The following ZNF608 variants were observed in gnomAD, a reference collection of about 807,000 sequenced individuals.
ZNF608 encodes the protein renal carcinoma antigen NY-REN-36.
ZNF608 carries 12 observed loss-of-function variants against 109.0 expected under a neutral mutation model. The ratio of observed to expected loss-of-function variants is 0.11; its 90% CI spans 0.07 to 0.18. The LOEUF (loss-of-function observed/expected upper bound fraction) is 0.18. ZNF608 is among the 10% of genes least tolerant of loss of function. The pLI is 1.00. For synonymous variants in ZNF608, 732 were observed against 717.4 expected (o/e 1.02, Z -0.33); for missense variants, 1,707 against 1,879.3 (o/e 0.91, Z 1.70).
chr5:124,744,040 A>C lies in ZNF608; in HGVS notation c.906+44T>G. Reference sequence around the variant, plus strand: ...CACCCCCACACACCCACACAAATGCACACAGAGGAGAGTAGGACATCTAGG... The same window carrying C: ...CACCCCCACACACCCACACAAATGCCCACAGAGGAGAGTAGGACATCTAGG... On this transcript the variant is annotated intron_variant, in intron 2 of 9. Transcript: ENST00000513986. This position sits in a 1 kb window ranked among gnomAD's most constrained non-coding sequence, Gnocchi z 4.5. The C allele has an allele frequency of 6.5e-7, 1 of 1,540,766 alleles. No homozygotes were observed.
chr5:124,742,108 C>T (rs184787309), intron 2 of ZNF608, among the ~76,000 whole-genome samples: 2 of 152,092 alleles, frequency 1.3e-5, no homozygotes, highest in Non-Finnish European at 2.9e-5. Context: ...TTATACTGCT[C>T]TAACTGAAGA....
chr5:124,668,176 G>A (rs914923515), intron 3 of ZNF608, among the ~76,000 whole-genome samples: 1 of 144,854 alleles, frequency 6.9e-6, no homozygotes, highest in African/African-American at 2.6e-5. Context: ...AACATATGGA[G>A]ACCTTCTCTA....
At chr5:124,639,454 C>T (rs1376519851) in intron 8 of ZNF608, among the ~76,000 whole-genome samples, 1 of 152,234 alleles carries the variant, frequency 6.6e-6, no homozygotes, top group Non-Finnish European at 1.5e-5. Flanking sequence ...CATTCCATCT[C>T]TCCGGCTCTG....
chr5:124,702,385 G>T (rs1415906126), intron 2 of ZNF608, among the ~76,000 whole-genome samples: 1 of 151,856 alleles, frequency 6.6e-6, no homozygotes, highest in Non-Finnish European at 1.5e-5. Context: ...TATGTAAAAA[G>T]GGCGCATCGA....
At chr5:124,734,054 G>A (rs945445791) in intron 2 of ZNF608, among the ~76,000 whole-genome samples, 4 of 152,128 alleles carry the variant, frequency 2.6e-5, no homozygotes, top group Non-Finnish European at 4.4e-5. Flanking sequence ...TACATGTGCA[G>A]TTCTTACTCA....
chr5:124,719,374 C>A (rs1753821624), intron 2 of ZNF608, among the ~76,000 whole-genome samples: 1 of 152,228 alleles, frequency 6.6e-6, no homozygotes. Flanking sequence ...AGCAGGCTCC[C>A]TAATGTATGA....
At chr5:124,693,931 T>C (rs1561564231) in intron 3 of ZNF608, among the ~76,000 whole-genome samples, 1 of 151,278 alleles carries the variant, frequency 6.6e-6, no homozygotes, top group Non-Finnish European at 1.5e-5. Flanking sequence ...CATTTTTTTT[T>C]ACCTTCTGTA....
chr5:124,710,518 C>T lies in ZNF608; in HGVS notation c.907-9249G>A, dbSNP rs908334066. Reference sequence around the variant, plus strand: ...AAGGCCACAGAAGCACCCAAAGCATCGTGGGTCGGCTACAGAAGAAGACAA... The same window carrying T: ...AAGGCCACAGAAGCACCCAAAGCATTGTGGGTCGGCTACAGAAGAAGACAA... On this transcript the variant is annotated intron_variant, in intron 2 of 9. Transcript: ENST00000513986. 4.4e-5 allele frequency: 11 copies of T among 247,888 alleles called. No individual in the cohort carries two copies. The East Asian group carries it at 8.2e-4, about 19-fold the overall frequency. 15.4% of individuals were successfully genotyped at this position (247,888 alleles called of 1,614,324 possible).
At chr5:124,655,196 T>A (rs560731379) in intron 3 of ZNF608, among the ~76,000 whole-genome samples, 1 of 152,366 alleles carries the variant, frequency 6.6e-6, no homozygotes, top group South Asian at 2.1e-4. Flanking sequence ...ACATTCTCTG[T>A]GGAGAGGCTT....
At chr5:124,666,647 TAGTAACTCA>T (rs1397461763) in intron 3 of ZNF608, among the ~76,000 whole-genome samples, 11 of 152,054 alleles carry the variant, frequency 7.2e-5, no homozygotes, top group African/African-American at 2.2e-4. Context: ...CCTGGAAGAT[TAGTAACTCA>T]ATGTGACTAC....
chr5:124,638,524 TG>T (rs1750085534), intron 9 of ZNF608, among the ~76,000 whole-genome samples: 1 of 152,212 alleles, frequency 6.6e-6, no homozygotes, highest in African/African-American at 2.4e-5. Context: ...CCCAAAGTGG[TG>T]GGACTACAGG....
chr5:124,656,828 AC>A (rs1751032428), intron 3 of ZNF608, among the ~76,000 whole-genome samples: 2 of 151,152 alleles, frequency 1.3e-5, no homozygotes, highest in Non-Finnish European at 3.0e-5. Flanking sequence ...ACACACACAC[AC>A]ACACACACAC....
intron 2 of ZNF608, among the ~76,000 whole-genome samples, chr5:124,740,046 C>G (rs1749315909): frequency 6.6e-6 from 1 of 152,146 alleles, no homozygotes. Flanking sequence ...GACTATCAAT[C>G]CCTCCCCCCA....
chr5:124,732,241 G>T (rs1325422871), intron 2 of ZNF608, among the ~76,000 whole-genome samples: 3 of 152,158 alleles, frequency 2.0e-5, no homozygotes, highest in Admixed American at 6.5e-5. Flanking sequence ...ATAAACAAAT[G>T]ATTTTAATGT....
chr5:124,716,158 A>G (rs901410205), intron 2 of ZNF608, among the ~76,000 whole-genome samples: 167 of 151,252 alleles, frequency 1.1e-3, no homozygotes, highest in Middle Eastern at 3.4e-3. Flanking sequence ...AAAAAAAAAA[A>G]AAAAAGAAAA....
At chr5:124,747,064 T>C (rs1282311502), upstream of ZNF608, among the ~76,000 whole-genome samples, 1 of 152,074 alleles carries the variant, frequency 6.6e-6, no homozygotes, top group Non-Finnish European at 1.5e-5. Context: ...AAAAAGGAAC[T>C]GAGTTCCTAG....
At chr5:124,741,752 A>G (rs1487466557) in intron 2 of ZNF608, among the ~76,000 whole-genome samples, 1 of 152,194 alleles carries the variant, frequency 6.6e-6, no homozygotes, top group Non-Finnish European at 1.5e-5. Context: ...GGTGGCATTC[A>G]TGCAAGGGAG....
intron 2 of ZNF608, among the ~76,000 whole-genome samples, chr5:124,731,274 G>A (rs1301834716): frequency 2.0e-5 from 3 of 152,260 alleles, no homozygotes; most frequent in South Asian, 2.1e-4. Context: ...GCAGTGGCAC[G>A]ATGTCAGCTC....
chr5:124,716,746 C>T (rs1260657645), intron 2 of ZNF608, among the ~76,000 whole-genome samples: 1 of 152,220 alleles, frequency 6.6e-6, no homozygotes, highest in Non-Finnish European at 1.5e-5. Context: ...ATTAGCCCCA[C>T]TCCCAATCTT....
Sources: allele counts gnomAD v4.1 joint callset (sites outside exome capture counted in the v4.1 genomes callset), GRCh38; gene constraint gnomAD v4.1.1; non-coding constraint Gnocchi (gnomAD v3.1); transcripts MANE v1.5; gene names NCBI Gene and HGNC (gene_info 2026-07-23, HGNC 2026-07-21).